Variants in CENPV observed in about 807,000 individuals in gnomAD.
CENPV encodes the protein centromere protein V, also known as nuclear protein p30.
Under a neutral mutation model 26.4 loss-of-function variants are expected in CENPV, and 15 were observed. That is an observed-to-expected ratio of 0.57 (90% CI 0.38 to 0.88). The LOEUF (loss-of-function observed/expected upper bound fraction) is 0.88, where lower values mean the gene tolerates loss of function less well. Among genes scored for constraint, CENPV ranks in the 40% least tolerant of loss-of-function variants. CENPV has a pLI of 0.00. For synonymous variants in CENPV, 172 were observed against 165.5 expected, an observed-to-expected ratio of 1.04 and a Z score of -0.30; for missense variants, 336 against 376.5, an observed-to-expected ratio of 0.89 and a Z score of 0.89.
intron 2 of CENPV, chr17:16,349,064 A>C (rs1156422173): frequency 3.0e-6 from 3 of 995,098 alleles, no homozygotes; most frequent in Middle Eastern, 5.1e-4. Context: ...TGGACAAGGA[A>C]GTTTAGGTTT....
intron 4 of CENPV, among the ~76,000 whole-genome samples, chr17:16,343,341 C>CT (rs1002987235): frequency 2.6e-5 from 4 of 151,940 alleles, no homozygotes; most frequent in African/African-American, 9.7e-5. Flanking sequence ...ACTTTCTTTC[C>CT]TTTTTTTTCA....
intron 3 of CENPV, among the ~76,000 whole-genome samples, chr17:16,346,728 G>A (rs779331154): frequency 2.6e-5 from 4 of 151,906 alleles, no homozygotes; most frequent in Non-Finnish European, 5.9e-5. Context: ...TCCAGCCTGG[G>A]CAACAGAGTG....
rs895983066 is a variant in CENPV, at chr17:16,349,577, C to T, written c.509+354G>A. 8 of 1,025,826 alleles carry T rather than the reference C, an allele frequency of 7.8e-6. No homozygotes were observed. The African/African-American group carries it at 1.4e-4, about 18-fold the overall frequency. The allele number at this position is 1,025,826 out of a possible 1,614,324, so 63.5% of individuals were successfully genotyped here. On this transcript the variant is annotated intron_variant, in intron 2 of 4. Coordinates refer to ENST00000299736, the MANE Select transcript of CENPV (RefSeq NM_181716.3). ...CCCTCCAACTCTCCCCAACTCTAGA[C>T]TTCTATGAAGATTCTGCCCAAGGCT... is the stretch of plus-strand genomic sequence containing the variant.
rs778745825 is a variant in CENPV, at chr17:16,353,122, G to A, written c.315C>T (p.Asn105=). The change falls in exon 1 of 5, where the codon AAC becomes AAT. Residue 105 remains asparagine (N), a synonymous_variant. Coordinates refer to ENST00000299736, the MANE Select transcript of CENPV (RefSeq NM_181716.3). ...TPATPTSSAS[N]LDLGEQRERW... ...GCTCCCGCTGCTCGCCCAGGTCCAG[G>A]TTGGACGCCGAGGACGTCGGGGTCG... 4.6e-6 allele frequency: 7 copies of A among 1,531,392 alleles called. No homozygotes were observed. The South Asian group carries it at 7.2e-5, about 16-fold the overall frequency. 94.9% of individuals were successfully genotyped at this position (1,531,392 alleles called of 1,614,324 possible).
Position 16,350,036 on chromosome 17 carries a change from G to A in CENPV, c.411-7C>T. On this transcript the variant is annotated splice_region_variant and splice_polypyrimidine_tract_variant and intron_variant, in intron 1 of 4. Transcript: ENST00000299736. The stretch of plus-strand genomic sequence containing the variant: ...CACCAGGCCCTGGTATTCACTAAAT[G>A]AAACAAAAATCAGAAAGATAATAAT... 1.2e-6 allele frequency: 2 copies of A among 1,607,696 alleles called. No individual in the cohort carries two copies. The highest frequency in any genetic ancestry group is 1.7e-6 in the Non-Finnish European group (2 of 1,178,474).
At chr17:16,345,606 C>G (rs566764825) in intron 3 of CENPV, among the ~76,000 whole-genome samples, 8 of 152,088 alleles carry the variant, frequency 5.3e-5, no homozygotes, top group Non-Finnish European at 1.2e-4. Flanking sequence ...GAGGCCATTT[C>G]CTATCTCCAG....
At chr17:16,343,004 G>C in intron 4 of CENPV, 63 bp from the exon 5 acceptor site, 1 of 1,594,874 alleles carries the variant, frequency 6.3e-7, no homozygotes, top group Non-Finnish European at 8.6e-7. Context: ...ATGGTGTACC[G>C]GCTCCTGGAT....
chr17:16,343,856 A>G (rs1367167454), intron 4 of CENPV, among the ~76,000 whole-genome samples: 4 of 151,512 alleles, frequency 2.6e-5, no homozygotes, highest in Admixed American at 2.6e-4. Context: ...CTGCACTGAC[A>G]CAACAAGAGT....
chr17:16,344,503 GT>G, intron 4 of CENPV, 93 bp downstream of exon 4: 1 of 607,978 alleles, frequency 1.6e-6, no homozygotes, highest in Non-Finnish European at 2.7e-6. Flanking sequence ...ACAGGGTCTA[GT>G]CAGCATCCCA....
At chr17:16,346,733 A>G (rs545579080) in intron 3 of CENPV, among the ~76,000 whole-genome samples, 1 of 152,122 alleles carries the variant, frequency 6.6e-6, no homozygotes, top group East Asian at 1.9e-4. Context: ...CCTGGGCAAC[A>G]GAGTGAGACT....
Position 16,342,812 on chromosome 17 carries a change from G to A in CENPV, c.*5C>T, listed in dbSNP as rs777205703. On this transcript the variant is annotated 3_prime_UTR_variant, in exon 5 of 5. Transcript: ENST00000299736. ...CCTCCTTTTCAGGGCAGGAGAGGCA[G>A]AAGCTCACTCTTTAGACATGTTCTT... 14 of 1,613,926 alleles carry A rather than the reference G, an allele frequency of 8.7e-6. No homozygotes were observed. Among genetic ancestry groups the A allele is most frequent in the Non-Finnish European group, 1.1e-5 (13 of 1,180,014 alleles).
At chr17:16,346,403 G>T (rs563890954) in intron 3 of CENPV, among the ~76,000 whole-genome samples, 1 of 152,268 alleles carries the variant, frequency 6.6e-6, no homozygotes. Context: ...CTTTTGAGAA[G>T]AATGAGACAG....
At chr17:16,350,088 T>C in intron 1 of CENPV, 59 bp from the exon 2 acceptor site, 2 of 1,575,546 alleles carry the variant, frequency 1.3e-6, no homozygotes, top group Admixed American at 2.0e-5. Context: ...CCTGCTCTCT[T>C]TTTGTTGCTG....
chr17:16,344,793 C>G (rs1568864664), intron 3 of CENPV, 82 bp from the exon 4 acceptor site: 2 of 776,698 alleles, frequency 2.6e-6, no homozygotes, highest in Non-Finnish European at 3.7e-6. Flanking sequence ...TTTATTGAGA[C>G]AGAGTCTCCC....
intron 1 of CENPV, among the ~76,000 whole-genome samples, chr17:16,352,319 A>C (rs2093231966): frequency 6.6e-6 from 1 of 152,172 alleles, no homozygotes; most frequent in African/African-American, 2.4e-5. Flanking sequence ...GACACTCGAG[A>C]TGCTCCTCGG....
At chr17:16,350,344 ATTT>A (rs755226283) in intron 1 of CENPV, among the ~76,000 whole-genome samples, 3 of 143,176 alleles carry the variant, frequency 2.1e-5, no homozygotes, top group Admixed American at 7.0e-5. Flanking sequence ...CAAATACTAA[ATTT>A]TTTTTTTTTT....
At chr17:16,344,978 G>A (rs1359252787) in intron 3 of CENPV, among the ~76,000 whole-genome samples, 6 of 151,832 alleles carry the variant, frequency 4.0e-5, no homozygotes, top group Admixed American at 3.9e-4. Flanking sequence ...TCACCATGTT[G>A]GCCAGGTTGG....
In CENPV at chr17:16,342,721, G is replaced by T; in HGVS notation, c.*96C>A. The T allele has an allele frequency of 6.8e-7, 1 of 1,479,566 alleles. No individual in the cohort carries two copies. Among genetic ancestry groups the T allele is most frequent in the Non-Finnish European group, 9.4e-7 (1 of 1,067,430 alleles). The allele number at this position is 1,479,566 out of a possible 1,614,324, so 91.7% of individuals were successfully genotyped here. A position where few individuals can be genotyped will look rare whatever the true frequency, so the allele number is the denominator to read the frequency against. On this transcript the variant is annotated 3_prime_UTR_variant, in exon 5 of 5. Transcript: ENST00000299736. ...CTAGTCAACGGAACCAGCAGCCCAGGTCAGCCACATTCAGGAGCACCACCG... is the reference window on the plus strand; with the variant it reads ...CTAGTCAACGGAACCAGCAGCCCAGTTCAGCCACATTCAGGAGCACCACCG...
intron 1 of CENPV, 51 bp from the exon 2 acceptor site, chr17:16,350,080 T>C: frequency 3.1e-6 from 5 of 1,588,226 alleles, no homozygotes; most frequent in Non-Finnish European, 4.3e-6. Flanking sequence ...AGCTGCCTCC[T>C]GCTCTCTTTT....
Sources: gnomAD v4.1 joint callset for allele counts (sites outside exome capture counted in the v4.1 genomes callset) on GRCh38, gnomAD v4.1.1 for gene constraint, MANE v1.5 for transcripts, NCBI Gene and HGNC (gene_info 2026-07-23, HGNC 2026-07-21) for gene names.